The following RGS17 variants were observed in gnomAD, a reference collection of about 807,000 sequenced individuals.
RGS17 encodes the protein regulator of G-protein signaling 17.
Under a neutral mutation model 25.5 loss-of-function variants are expected in RGS17, and 12 were observed. That is an observed-to-expected ratio of 0.47 (90% CI 0.30 to 0.76). The LOEUF (loss-of-function observed/expected upper bound fraction) is 0.76. Among genes scored for constraint, RGS17 ranks in the 30% least tolerant of loss-of-function variants. RGS17 has a pLI of 0.07. For missense variants in RGS17, 196 were observed against 242.2 expected (o/e 0.81, Z 1.27); for synonymous variants, 71 against 76.9 (o/e 0.92, Z 0.40).
intron 1 of RGS17, among the ~76,000 whole-genome samples, chr6:153,126,310 A>G (rs1584170222): frequency 6.6e-6 from 1 of 152,322 alleles, no homozygotes; most frequent in South Asian, 2.1e-4. Context: ...CAAGCTTCTC[A>G]TAGTAAGGTG....
chr6:153,103,999 G>A (rs1777343582), intron 1 of RGS17, among the ~76,000 whole-genome samples: 1 of 152,246 alleles, frequency 6.6e-6, no homozygotes, highest in Non-Finnish European at 1.5e-5. Context: ...TCTGGAATGT[G>A]AAAAATATGT....
chr6:153,129,478 T>C (rs564706242), intron 1 of RGS17, among the ~76,000 whole-genome samples: 1 of 152,340 alleles, frequency 6.6e-6, no homozygotes, highest in African/African-American at 2.4e-5. Context: ...ACACGCAGCG[T>C]CTGGCAGTTG....
intron 1 of RGS17, among the ~76,000 whole-genome samples, chr6:153,050,954 G>A (rs1430069126): frequency 6.6e-6 from 1 of 152,210 alleles, no homozygotes; most frequent in Admixed American, 6.5e-5. Context: ...AATGGGATTA[G>A]TGCTCTTATA....
chr6:153,020,566 A>C (rs1424775740), intron 4 of RGS17, among the ~76,000 whole-genome samples: 3 of 152,192 alleles, frequency 2.0e-5, no homozygotes, highest in African/African-American at 7.2e-5. Flanking sequence ...CATTAGGGGA[A>C]AAAGTTATCT....
At chr6:153,081,185 G>T (rs1776974234) in intron 1 of RGS17, among the ~76,000 whole-genome samples, 1 of 151,962 alleles carries the variant, frequency 6.6e-6, no homozygotes. Context: ...CAATTATTCG[G>T]AAAGGAATGT....
At chr6:153,075,007 T>C (rs1444426032) in intron 1 of RGS17, among the ~76,000 whole-genome samples, 1 of 152,208 alleles carries the variant, frequency 6.6e-6, no homozygotes, top group Admixed American at 6.5e-5. Context: ...TGATTAGTAC[T>C]AAGAGCAAGA....
intron 1 of RGS17, among the ~76,000 whole-genome samples, chr6:153,098,837 T>C (rs1030822368): frequency 1.3e-5 from 2 of 152,156 alleles, no homozygotes; most frequent in Non-Finnish European, 2.9e-5. Flanking sequence ...AGACTAAACC[T>C]GAATCTGAAA....
intron 1 of RGS17, among the ~76,000 whole-genome samples, chr6:153,045,122 A>C (rs769959897): frequency 6.6e-6 from 1 of 152,234 alleles, no homozygotes; most frequent in Non-Finnish European, 1.5e-5. Context: ...TAAACACTTT[A>C]AAAAATACTG....
chr6:153,013,425 A>G (rs950594961), intron 4 of RGS17, among the ~76,000 whole-genome samples: 3 of 152,162 alleles, frequency 2.0e-5, no homozygotes, highest in Non-Finnish European at 2.9e-5. Flanking sequence ...TTTCCCACAG[A>G]GAAAACAATA....
chr6:153,088,333 A>G (rs1006262900), intron 1 of RGS17, among the ~76,000 whole-genome samples: 1 of 152,168 alleles, frequency 6.6e-6, no homozygotes, highest in African/African-American at 2.4e-5. Flanking sequence ...ATTTTGGGGC[A>G]ATTTGTTATA....
chr6:153,083,102 C>T (rs11155893), intron 1 of RGS17, among the ~76,000 whole-genome samples: 1 of 151,674 alleles, frequency 6.6e-6, no homozygotes, highest in African/African-American at 2.4e-5. Flanking sequence ...CCTAGTACTC[C>T]GGAAAGACTC....
intron 1 of RGS17, among the ~76,000 whole-genome samples, chr6:153,110,425 T>TAC (rs149969105): frequency 0.024 from 3,502 of 144,856 alleles, 69 homozygotes; most frequent in African/African-American, 0.043. Context: ...ACTGCCAACA[T>TAC]ACACACACAC....
In RGS17 at chr6:153,007,549, A is replaced by G. The variant is rs980763893; in HGVS notation, c.*4025T>C. On this transcript the variant is annotated 3_prime_UTR_variant, in exon 5 of 5. Transcript: ENST00000206262. ...CAAAATACATGTTTGATAGGCTTCT[A>G]TCTATAGGCATTTTCTGTCTAAGAC... is the stretch of plus-strand genomic sequence containing the variant. 5 of 151,982 alleles carry G rather than the reference A, an allele frequency of 3.3e-5. No individual in the cohort carries two copies. The highest frequency in any genetic ancestry group is 3.8e-4 in the East Asian group (2 of 5,204). The allele number at this position is 151,982 out of a possible 1,614,324, so 9.4% of individuals were successfully genotyped here.
At chr6:153,025,396 G>A (rs1003036834) in intron 3 of RGS17, among the ~76,000 whole-genome samples, 11 of 151,866 alleles carry the variant, frequency 7.2e-5, no homozygotes, top group Admixed American at 7.2e-4. Flanking sequence ...TGGAAGCAGA[G>A]TGCTTCTATA....
chr6:153,043,394 G>A (rs1451171881), intron 2 of RGS17, among the ~76,000 whole-genome samples: 1 of 151,556 alleles, frequency 6.6e-6, no homozygotes, highest in African/African-American at 2.4e-5. Context: ...GTCCTTATTG[G>A]CAGGAATTCT....
chr6:153,079,472 T>C (rs1479783964), intron 1 of RGS17, among the ~76,000 whole-genome samples: 2 of 152,238 alleles, frequency 1.3e-5, no homozygotes, highest in African/African-American at 2.4e-5. Flanking sequence ...TGCTAACAGA[T>C]TGTGGGAATT....
intron 2 of RGS17, among the ~76,000 whole-genome samples, chr6:153,034,156 T>C (rs1584126900): frequency 1.3e-5 from 2 of 152,242 alleles, no homozygotes; most frequent in East Asian, 3.9e-4. Context: ...TCCCTCGCAT[T>C]TTCCAGTTAG....
At chr6:153,041,838 T>A (rs951207533) in intron 2 of RGS17, among the ~76,000 whole-genome samples, 7 of 152,224 alleles carry the variant, frequency 4.6e-5, no homozygotes, top group Admixed American at 3.3e-4. Flanking sequence ...TCAAGCCAGT[T>A]CCTCTTTAAA....
intron 1 of RGS17, among the ~76,000 whole-genome samples, chr6:153,065,104 A>G (rs1245919678): frequency 1.3e-5 from 2 of 152,168 alleles, no homozygotes; most frequent in East Asian, 3.8e-4. Context: ...AAGGGATGGA[A>G]TAAGGTATTC....
Sources: allele counts gnomAD v4.1 joint callset (sites outside exome capture counted in the v4.1 genomes callset), GRCh38; gene constraint gnomAD v4.1.1; transcripts MANE v1.5; gene names NCBI Gene and HGNC (gene_info 2026-07-23, HGNC 2026-07-21).